CD44: variants seen among roughly 807,000 people sequenced by gnomAD.
CD44 encodes the protein CD44 molecule (IN blood group).
In CD44, 49 loss-of-function variants were observed where a neutral mutation model predicts 88.8. The ratio of observed to expected loss-of-function variants is 0.55; its 90% CI spans 0.44 to 0.70. The LOEUF is 0.70. Ranked by LOEUF, CD44 falls within the 30% of genes least tolerant of loss-of-function variation. The pLI, the probability that CD44 is intolerant of heterozygous loss-of-function variation, is 0.00. For synonymous variants in CD44, 325 were observed against 312.3 expected (o/e 1.04, Z -0.43); for missense variants, 883 against 913.8 (o/e 0.97, Z 0.43).
intron 17 of CD44, among the ~76,000 whole-genome samples, chr11:35,224,255 G>C (rs1949533921): frequency 6.6e-6 from 1 of 152,038 alleles, no homozygotes; most frequent in Admixed American, 6.6e-5. Context: ...ACTTCTTTAG[G>C]TTTTTCCACC....
intron 1 of CD44, among the ~76,000 whole-genome samples, chr11:35,158,802 A>G (rs1316861692): frequency 6.6e-6 from 1 of 152,246 alleles, no homozygotes; most frequent in African/African-American, 2.4e-5. Context: ...GAGCAAATGA[A>G]GCAGCATGGA....
intron 3 of CD44, among the ~76,000 whole-genome samples, chr11:35,184,984 A>G (rs1945513476): frequency 6.6e-6 from 1 of 152,214 alleles, no homozygotes; most frequent in Non-Finnish European, 1.5e-5. Flanking sequence ...CCCATCACAC[A>G]TAAATGTTCT....
At chr11:35,146,078 G>A (rs1859093753) in intron 1 of CD44, among the ~76,000 whole-genome samples, 1 of 152,120 alleles carries the variant, frequency 6.6e-6, no homozygotes, top group Non-Finnish European at 1.5e-5. Context: ...GGTGGGGAAC[G>A]ATGGAAACTC....
rs1254055423 is a variant in CD44, at chr11:35,230,333, G to T, written c.*1000G>T. On this transcript the variant is annotated 3_prime_UTR_variant, in exon 18 of 18. Transcript: ENST00000428726. Reference sequence around the variant, plus strand: ...GTTTAATGGCCACCTGTTCTCTCCTGTGAAAGGCTTTGCAAAGTCACATTA... The same window carrying T: ...GTTTAATGGCCACCTGTTCTCTCCTTTGAAAGGCTTTGCAAAGTCACATTA... 1 of 151,980 alleles carries T rather than the reference G, an allele frequency of 6.6e-6. No homozygotes were observed. Among genetic ancestry groups the T allele is most frequent in the Non-Finnish European group, 1.5e-5 (1 of 68,004 alleles). The allele number at this position is 151,980 out of a possible 1,614,324, so 9.4% of individuals were successfully genotyped here. A position where few individuals can be genotyped will look rare whatever the true frequency, so the allele number is the denominator to read the frequency against.
At chr11:35,139,410 G>A (rs1315769264) in intron 1 of CD44, 40 bp downstream of exon 1, 1 of 1,537,150 alleles carries the variant, frequency 6.5e-7, no homozygotes, top group South Asian at 1.2e-5. Context: ...GATGGGTGCG[G>A]GGTGCTCAGC....
At chr11:35,207,211 G>GTTGAATATTTAGTGTTGAATC (rs1947953516) in intron 11 of CD44, among the ~76,000 whole-genome samples, 2 of 152,204 alleles carry the variant, frequency 1.3e-5, no homozygotes, top group Non-Finnish European at 2.9e-5. Context: ...ATATTTTAGT[G>GTTGAATATTTAGTGTTGAATC]TTGAATATTT....
chr11:35,161,391 G>A (rs1360022959), intron 1 of CD44, among the ~76,000 whole-genome samples: 1 of 152,136 alleles, frequency 6.6e-6, no homozygotes, highest in East Asian at 1.9e-4. Context: ...GGATCTTTCC[G>A]ATCCAAGCCA....
chr11:35,167,724 C>A (rs1943451742), intron 1 of CD44, among the ~76,000 whole-genome samples: 1 of 152,200 alleles, frequency 6.6e-6, no homozygotes, highest in Admixed American at 6.5e-5. Flanking sequence ...CAACCTGGAG[C>A]CTTAGCTTGG....
At chr11:35,199,882 C>CCTGTAAA (rs1947123117) in intron 7 of CD44, among the ~76,000 whole-genome samples, 1 of 149,192 alleles carries the variant, frequency 6.7e-6, no homozygotes, top group Non-Finnish European at 1.5e-5. Context: ...AACAGATCTA[C>CCTGTAAA]CTGTAAATGA....
At chr11:35,172,936 C>T (rs955630608) in intron 1 of CD44, among the ~76,000 whole-genome samples, 4 of 151,956 alleles carry the variant, frequency 2.6e-5, no homozygotes, top group Admixed American at 2.6e-4. Context: ...TATAGACACA[C>T]TCACACAATG....
At chr11:35,143,447 T>G (rs1013987515) in intron 1 of CD44, among the ~76,000 whole-genome samples, 1 of 151,756 alleles carries the variant, frequency 6.6e-6, no homozygotes, top group Admixed American at 6.6e-5. Context: ...AGCACTCTCT[T>G]TAACTCCATT....
chr11:35,180,518 C>T, intron 3 of CD44, 111 bp downstream of exon 3: 3 of 1,171,824 alleles, frequency 2.6e-6, no homozygotes, highest in Non-Finnish European at 3.8e-6. Flanking sequence ...CAAATGCTCA[C>T]TGAATATCTG....
intron 1 of CD44, among the ~76,000 whole-genome samples, chr11:35,165,387 T>C (rs1041072243): frequency 1.3e-5 from 2 of 152,226 alleles, no homozygotes; most frequent in Non-Finnish European, 2.9e-5. Context: ...CGTAAGACTT[T>C]GAGTCTGTGA....
intron 1 of CD44, among the ~76,000 whole-genome samples, chr11:35,167,268 G>GTGATTT (rs1943396410): frequency 6.6e-6 from 1 of 152,064 alleles, no homozygotes. Context: ...GTGTGTGTGT[G>GTGATTT]TGTTTTTGTT....
In CD44 at chr11:35,229,767, A is replaced by C; in HGVS notation, c.*434A>C. 1 of 179,768 alleles carries C rather than the reference A, an allele frequency of 5.6e-6. No individual in the cohort carries two copies. Among genetic ancestry groups the C allele is most frequent in the Non-Finnish European group, 1.2e-5 (1 of 83,886 alleles). The allele number at this position is 179,768 out of a possible 1,614,324, so 11.1% of individuals were successfully genotyped here. A position where few individuals can be genotyped will look rare whatever the true frequency, so the allele number is the denominator to read the frequency against. ...CCCTTCCATAGCCTAATCCCTGGGC[A>C]TTGCTTTCCACTGAGGTTGGGGGTT... On this transcript the variant is annotated 3_prime_UTR_variant, in exon 18 of 18. Coordinates refer to ENST00000428726, the MANE Select transcript of CD44 (RefSeq NM_000610.4).
At chr11:35,181,559 C>A (rs951505067) in intron 3 of CD44, among the ~76,000 whole-genome samples, 1 of 150,372 alleles carries the variant, frequency 6.7e-6, no homozygotes, top group Non-Finnish European at 1.5e-5. Flanking sequence ...AAACTTGGTA[C>A]ATCTTGCTGG....
rs182115626 is a variant in CD44 at position 35,174,998 on chromosome 11, G to A, written c.68-1577G>A. On this transcript the variant is annotated intron_variant, in intron 1 of 17. Coordinates refer to ENST00000428726, the MANE Select transcript of CD44 (RefSeq NM_000610.4). ...GACACAAAAGCCAAATGAGTTGAGG[G>A]AGAGACTGGGGGTTAGACAAGGGTG... 1.5e-4 allele frequency among the ~76,000 whole-genome samples: 23 copies of A among 152,316 alleles called. No individual in the cohort carries two copies. The East Asian group carries it at 4.2e-3, about 28-fold the overall frequency.
intron 6 of CD44, 85 bp from the exon 7 acceptor site, chr11:35,198,036 T>C (rs1946933214): frequency 6.9e-7 from 1 of 1,449,064 alleles, no homozygotes; most frequent in Non-Finnish European, 9.4e-7. Context: ...GGGAAATCCA[T>C]TATACCTTCT....
In CD44 at chr11:35,231,953, G is replaced by T. The variant is rs983462361; in HGVS notation, c.*2620G>T. 1 of 152,174 alleles carries T rather than the reference G, an allele frequency of 6.6e-6. No individual in the cohort carries two copies. The highest frequency in any genetic ancestry group is 2.4e-5 in the African/African-American group (1 of 41,444). 9.4% of individuals were successfully genotyped at this position (152,174 alleles called of 1,614,324 possible). On this transcript the variant is annotated 3_prime_UTR_variant, in exon 18 of 18. Transcript: ENST00000428726. ...AGACATCTTCGAATCCATATTTCAA[G>T]CCTGGTAGAATTGGCTTTTCTAGCA...
Sources: allele counts gnomAD v4.1 joint callset (sites outside exome capture counted in the v4.1 genomes callset), GRCh38; gene constraint gnomAD v4.1.1; transcripts MANE v1.5; gene names NCBI Gene and HGNC (gene_info 2026-07-23, HGNC 2026-07-21).